Variants in GMDS observed in about 807,000 individuals in gnomAD.
The protein encoded by GMDS is GDP-mannose 4,6 dehydratase.
Under a neutral mutation model 49.9 loss-of-function variants are expected in GMDS, and 20 were observed. The ratio of observed to expected loss-of-function variants is 0.40; its 90% CI spans 0.28 to 0.58. GMDS has a LOEUF of 0.58. GMDS is among the 20% of genes least tolerant of loss of function. The probability of loss-of-function intolerance (pLI) is 0.42; values close to 1 mark genes in which losing one functional copy is unlikely to be tolerated. For synonymous variants in GMDS, 177 were observed against 178.6 expected, an observed-to-expected ratio of 0.99 and a Z score of 0.07; for missense variants, 362 against 481.4, an observed-to-expected ratio of 0.75 and a Z score of 2.32.
At chr6:1,947,169 CCT>C (rs1300473329) in intron 6 of GMDS, among the ~76,000 whole-genome samples, 1 of 152,106 alleles carries the variant, frequency 6.6e-6, no homozygotes, top group African/African-American at 2.4e-5. Context: ...ATGAAACATT[CCT>C]CAATGTCCAG....
chr6:1,746,976 AGGTGT>A (rs1354885369), intron 7 of GMDS, among the ~76,000 whole-genome samples: 1 of 152,228 alleles, frequency 6.6e-6, no homozygotes, highest in African/African-American at 2.4e-5. Flanking sequence ...CTGAGATTAC[AGGTGT>A]GAGCCACCGC....
At chr6:1,809,377 A>C (rs545447828) in intron 7 of GMDS, among the ~76,000 whole-genome samples, 18 of 152,356 alleles carry the variant, frequency 1.2e-4, no homozygotes, top group African/African-American at 4.1e-4. Flanking sequence ...AACAGAACCC[A>C]TTACCAGTAA....
chr6:2,109,709 T>A (rs1243701286), intron 4 of GMDS, among the ~76,000 whole-genome samples: 1 of 152,208 alleles, frequency 6.6e-6, no homozygotes, highest in East Asian at 1.9e-4. Flanking sequence ...AGAACATTCC[T>A]CTCTTCTGCC....
Position 2,078,491 on chromosome 6 carries a change from T to C in GMDS, c.345+37280A>G, listed in dbSNP as rs568351164. Among the ~76,000 whole-genome samples, 4 of 152,226 alleles carry C rather than the reference T, an allele frequency of 2.6e-5. No homozygotes were observed. In the South Asian group the frequency reaches 8.3e-4, roughly 32 times the overall value. On this transcript the variant is annotated intron_variant, in intron 4 of 10. Transcript: ENST00000380815. ...TTCCACTTTCATTCGTTTCAAGAAA[T>C]TTTTTAACTTCCTTCTTAATTTCTT...
chr6:1,655,991 G>A (rs1289835218), intron 9 of GMDS, among the ~76,000 whole-genome samples: 2 of 152,206 alleles, frequency 1.3e-5, no homozygotes, highest in Admixed American at 1.3e-4. Flanking sequence ...ACATGTGGAG[G>A]CTGAGGCACA....
At chr6:2,052,341 T>C (rs1770469297) in intron 4 of GMDS, among the ~76,000 whole-genome samples, 1 of 152,106 alleles carries the variant, frequency 6.6e-6, no homozygotes, top group Admixed American at 6.6e-5. Context: ...CTTTTAGCTT[T>C]AAAGTCCCTG....
intron 4 of GMDS, among the ~76,000 whole-genome samples, chr6:2,020,908 C>G (rs138622192): frequency 3.3e-5 from 5 of 152,318 alleles, no homozygotes; most frequent in African/African-American, 1.2e-4. Context: ...TAAACCCCAG[C>G]GCTGCATATG....
Position 1,836,785 on chromosome 6 carries a change from A to G in GMDS, c.771+93318T>C, listed in dbSNP as rs1009866817. Among the ~76,000 whole-genome samples, 1 of 152,328 alleles carries G rather than the reference A, an allele frequency of 6.6e-6. No individual in the cohort carries two copies. Among genetic ancestry groups the G allele is most frequent in the African/African-American group, 2.4e-5 (1 of 41,572 alleles). ...GCAGCCAAGCTCTCATTCAGGATAGAGGACACCTGAATTACATAAATCTCT... is the reference window on the plus strand; with the variant it reads ...GCAGCCAAGCTCTCATTCAGGATAGGGGACACCTGAATTACATAAATCTCT... On this transcript the variant is annotated intron_variant, in intron 7 of 10. Coordinates refer to ENST00000380815, the MANE Select transcript of GMDS (RefSeq NM_001500.4). This position sits in a 1 kb window ranked among gnomAD's most constrained non-coding sequence, Gnocchi z 4.2.
rs557138197 is a variant in GMDS, at chr6:2,137,820, G to A, written c.103-13089C>T. On this transcript the variant is annotated intron_variant, in intron 1 of 10. Coordinates refer to ENST00000380815, the MANE Select transcript of GMDS (RefSeq NM_001500.4). ...TCACTGTCTTCCATTTCTTTCTGCA[G>A]GTCCATAAACCAGCAATGATCTATG... Among the ~76,000 whole-genome samples the A allele has an allele frequency of 2.4e-3, 369 of 152,296 alleles. 2 individuals are homozygous for A. Among genetic ancestry groups the A allele is most frequent in the African/African-American group, 8.5e-3 (354 of 41,556 alleles).
chr6:1,996,257 C>T (rs1766273587), intron 4 of GMDS, among the ~76,000 whole-genome samples: 1 of 152,120 alleles, frequency 6.6e-6, no homozygotes. Flanking sequence ...GCACAGCCAA[C>T]AACACCACAG....
intron 9 of GMDS, among the ~76,000 whole-genome samples, chr6:1,678,394 T>C (rs929790481): frequency 7.9e-5 from 12 of 152,296 alleles, no homozygotes; most frequent in African/African-American, 2.9e-4. Context: ...CTCTGATTCT[T>C]TGTATCCATC....
intron 4 of GMDS, among the ~76,000 whole-genome samples, chr6:2,026,582 G>C (rs1581536173): frequency 6.6e-6 from 1 of 152,276 alleles, no homozygotes; most frequent in East Asian, 1.9e-4. Context: ...GTGAATCTCA[G>C]TTTTGTAATT....
chr6:1,977,231 CAAG>C (rs1764954744), intron 4 of GMDS, among the ~76,000 whole-genome samples: 1 of 152,094 alleles, frequency 6.6e-6, no homozygotes, highest in South Asian at 2.1e-4. Flanking sequence ...GAATGAGAAA[CAAG>C]AAGAAATTGA....
At chr6:1,906,245 T>C (rs903597160) in intron 7 of GMDS, among the ~76,000 whole-genome samples, 7 of 152,338 alleles carry the variant, frequency 4.6e-5, no homozygotes, top group African/African-American at 1.7e-4. Flanking sequence ...TAAGCCATTC[T>C]GTGGGTGGTC....
intron 7 of GMDS, among the ~76,000 whole-genome samples, chr6:1,758,683 G>A (rs1348264331): frequency 6.6e-6 from 1 of 152,202 alleles, no homozygotes; most frequent in Non-Finnish European, 1.5e-5. Flanking sequence ...GCAGGAGGCT[G>A]CTGATCTGGG....
intron 7 of GMDS, among the ~76,000 whole-genome samples, chr6:1,837,804 G>T (rs1359189007): frequency 6.6e-6 from 1 of 152,132 alleles, no homozygotes; most frequent in African/African-American, 2.4e-5. Context: ...CTGGGGCTTT[G>T]TGCACTTTCC....
intron 4 of GMDS, among the ~76,000 whole-genome samples, chr6:2,025,861 C>T (rs1768564629): frequency 6.6e-6 from 1 of 152,080 alleles, no homozygotes; most frequent in Non-Finnish European, 1.5e-5. Flanking sequence ...GAATAATCAG[C>T]TCTGTAAATT....
chr6:1,986,412 C>T (rs112969239), intron 4 of GMDS, among the ~76,000 whole-genome samples: 1,832 of 152,294 alleles, frequency 0.012, 36 homozygotes, highest in African/African-American at 0.041. Context: ...AACTTACCAT[C>T]AACAAAGACC....
At chr6:2,073,657 C>T (rs531693236) in intron 4 of GMDS, among the ~76,000 whole-genome samples, 1 of 152,298 alleles carries the variant, frequency 6.6e-6, no homozygotes, top group Non-Finnish European at 1.5e-5. Context: ...TCCCCTCCAA[C>T]CCCTGCCACC....
Sources: allele counts gnomAD v4.1 joint callset (sites outside exome capture counted in the v4.1 genomes callset), GRCh38; gene constraint gnomAD v4.1.1; non-coding constraint Gnocchi (gnomAD v3.1); transcripts MANE v1.5; gene names NCBI Gene and HGNC (gene_info 2026-07-23, HGNC 2026-07-21).